The following ASIC2 variants were observed in gnomAD, a reference collection of about 807,000 sequenced individuals.
ASIC2 encodes the protein acid-sensing ion channel 2.
Under a neutral mutation model 57.3 loss-of-function variants are expected in ASIC2, and 25 were observed. That is an observed-to-expected ratio of 0.44 (90% CI 0.32 to 0.61). The LOEUF is 0.61. Ranked by LOEUF, ASIC2 falls within the 20% of genes least tolerant of loss-of-function variation. The pLI, the probability that ASIC2 is intolerant of heterozygous loss-of-function variation, is 0.06. For synonymous variants in ASIC2, 319 were observed against 307.5 expected (o/e 1.04, Z -0.39); for missense variants, 641 against 738.1 (o/e 0.87, Z 1.52).
chr17:33,021,594 G>A (rs1292314178), intron 6 of ASIC2, among the ~76,000 whole-genome samples: 2 of 152,192 alleles, frequency 1.3e-5, no homozygotes, highest in Non-Finnish European at 2.9e-5. Flanking sequence ...TGGCTTCCAG[G>A]CCTCTGCGCC....
chr17:33,681,091 C>A (rs909131697), intron 1 of ASIC2, among the ~76,000 whole-genome samples: 3 of 152,202 alleles, frequency 2.0e-5, no homozygotes, highest in Non-Finnish European at 2.9e-5. Context: ...GATAAACTGG[C>A]CTGCATCCAG....
intron 1 of ASIC2, among the ~76,000 whole-genome samples, chr17:33,414,614 G>A (rs1326344925): frequency 1.3e-5 from 2 of 152,176 alleles, no homozygotes; most frequent in Non-Finnish European, 2.9e-5. Flanking sequence ...TGTGCCCACT[G>A]AGGCCATTGG....
chr17:33,204,595 C>A (rs1197950250), intron 1 of ASIC2, among the ~76,000 whole-genome samples: 1 of 152,196 alleles, frequency 6.6e-6, no homozygotes, highest in Non-Finnish European at 1.5e-5. Context: ...CCAAAAGTGG[C>A]AACCATGAGT....
intron 1 of ASIC2, among the ~76,000 whole-genome samples, chr17:33,708,786 A>G (rs1908938404): frequency 1.3e-5 from 2 of 150,476 alleles, no homozygotes; most frequent in African/African-American, 2.4e-5. Flanking sequence ...GGTCATAGAG[A>G]CTCCTCTCCT....
At chr17:33,995,786 G>A (rs1906140027) in intron 1 of ASIC2, among the ~76,000 whole-genome samples, 1 of 152,066 alleles carries the variant, frequency 6.6e-6, no homozygotes, top group South Asian at 2.1e-4. Context: ...TCATATCTTA[G>A]CTATTGTGAA....
intron 1 of ASIC2, among the ~76,000 whole-genome samples, chr17:33,229,269 T>C (rs1245069555): frequency 1.3e-5 from 2 of 152,188 alleles, no homozygotes; most frequent in Non-Finnish European, 2.9e-5. Context: ...AAATTACAAA[T>C]AGCCTTCCTG....
At chr17:33,215,355 G>A (rs1055799972) in intron 1 of ASIC2, among the ~76,000 whole-genome samples, 13 of 152,184 alleles carry the variant, frequency 8.5e-5, no homozygotes, top group Non-Finnish European at 1.8e-4. Context: ...TTGAAATTAT[G>A]TATCCTAGCA....
intron 1 of ASIC2, among the ~76,000 whole-genome samples, chr17:33,593,512 C>A (rs1030013543): frequency 6.6e-6 from 1 of 152,196 alleles, no homozygotes; most frequent in African/African-American, 2.4e-5. Context: ...GGTTTCTGAG[C>A]TAGAAAGCTC....
intron 1 of ASIC2, among the ~76,000 whole-genome samples, chr17:34,040,669 C>T (rs1192737959): frequency 6.6e-6 from 1 of 152,154 alleles, no homozygotes; most frequent in African/African-American, 2.4e-5. Context: ...CATGGTGCTG[C>T]AGGTGACAGC....
intron 1 of ASIC2, among the ~76,000 whole-genome samples, chr17:33,757,657 A>G (rs759732807): frequency 3.9e-5 from 6 of 152,220 alleles, no homozygotes; most frequent in Non-Finnish European, 7.3e-5. Flanking sequence ...TTTATAGAAA[A>G]CAGGAGTATA....
chr17:33,989,388 A>G (rs1950943782), intron 1 of ASIC2, among the ~76,000 whole-genome samples: 1 of 152,094 alleles, frequency 6.6e-6, no homozygotes, highest in African/African-American at 2.4e-5. Flanking sequence ...TGCTTACACA[A>G]CAGAGGGACT....
chr17:33,843,508 A>G (rs1286565529), intron 1 of ASIC2, among the ~76,000 whole-genome samples: 1 of 152,248 alleles, frequency 6.6e-6, no homozygotes, highest in African/African-American at 2.4e-5. Context: ...GAATGATGAG[A>G]TTGTTTTGAT....
At chr17:34,099,728 A>C (rs1910763681) in intron 1 of ASIC2, among the ~76,000 whole-genome samples, 1 of 134,618 alleles carries the variant, frequency 7.4e-6, no homozygotes, top group Non-Finnish European at 1.6e-5. Context: ...GAAAGAAGGA[A>C]AGAAGGAAAG....
At chr17:33,444,892 T>A (rs988607221) in intron 1 of ASIC2, among the ~76,000 whole-genome samples, 1 of 152,184 alleles carries the variant, frequency 6.6e-6, no homozygotes, top group Non-Finnish European at 1.5e-5. Flanking sequence ...ATCCAGCTCA[T>A]CACTTGCTTT....
chr17:33,067,143 GC>G (rs59520303), intron 3 of ASIC2, among the ~76,000 whole-genome samples: 60,143 of 151,960 alleles, frequency 0.4, 13,073 homozygotes, highest in East Asian at 0.65. Flanking sequence ...TAGAGTTCTT[GC>G]AGATAAATAA....
At chr17:33,077,966 T>C (rs2092096426) in intron 3 of ASIC2, among the ~76,000 whole-genome samples, 1 of 152,118 alleles carries the variant, frequency 6.6e-6, no homozygotes, top group Non-Finnish European at 1.5e-5. Flanking sequence ...GGAAGTGTCC[T>C]CTATAGGCCC....
chr17:33,773,656 GTTTTTT>G (rs113663094), intron 1 of ASIC2, among the ~76,000 whole-genome samples: 11,761 of 136,968 alleles, frequency 0.086, 533 homozygotes, highest in East Asian at 0.23. Flanking sequence ...TAGTCTCTCT[GTTTTTT>G]TTTTTTTTTT....
chr17:33,629,991 A>C (rs1021240975), intron 1 of ASIC2, among the ~76,000 whole-genome samples: 3 of 152,184 alleles, frequency 2.0e-5, no homozygotes, highest in African/African-American at 7.2e-5. Context: ...TGAAGGTCAA[A>C]TGCAGGTTAC....
At chr17:34,099,783 AAAG>A (rs768015967) in intron 1 of ASIC2, among the ~76,000 whole-genome samples, 3,372 of 62,432 alleles carry the variant, frequency 0.054, 134 homozygotes, top group Middle Eastern at 0.093. Flanking sequence ...AGAAAGAAAG[AAAG>A]AAAGAAAGAA....
Sources: gnomAD v4.1 joint callset for allele counts (sites outside exome capture counted in the v4.1 genomes callset) on GRCh38, gnomAD v4.1.1 for gene constraint, MANE v1.5 for transcripts, NCBI Gene and HGNC (gene_info 2026-07-23, HGNC 2026-07-21) for gene names.